The following FREM2 variants were observed in gnomAD, a reference collection of about 807,000 sequenced individuals.
The protein encoded by FREM2 is FRAS1 related extracellular matrix 2.
FREM2 carries 119 observed loss-of-function variants against 219.9 expected under a neutral mutation model. The ratio of observed to expected loss-of-function variants is 0.54; its 90% CI spans 0.47 to 0.63. The LOEUF (loss-of-function observed/expected upper bound fraction) is 0.63, where lower values mean the gene tolerates loss of function less well. Among genes scored for constraint, FREM2 ranks in the 30% least tolerant of loss-of-function variants. FREM2 has a pLI of 0.00. For missense variants in FREM2, 4,030 were observed against 3,993.6 expected, an observed-to-expected ratio of 1.01 and a Z score of -0.25; for synonymous variants, 1,562 against 1,522.8, an observed-to-expected ratio of 1.03 and a Z score of -0.60.
At chr13:38,721,442 C>A (rs146324384) in intron 2 of FREM2, among the ~76,000 whole-genome samples, 5 of 152,038 alleles carry the variant, frequency 3.3e-5, no homozygotes, top group South Asian at 2.1e-4. Flanking sequence ...AGGCAGCCAC[C>A]CAGGGAGGGG....
chr13:38,764,417 C>T lies in FREM2; in HGVS notation c.5377C>T (p.Arg1793Cys), dbSNP rs149271434. ...CAAATTTCTAGATGTTGTTCTTAAACGTAGAGGTTACTTGGGAGAAACTTC... is the reference window on the plus strand; with the variant it reads ...CAAATTTCTAGATGTTGTTCTTAAATGTAGAGGTTACTTGGGAGAAACTTC... ...DSKFLDVVLK[R>C]RGYLGETSFI... Residue 1793 changes from arginine to cysteine, a missense_variant, in exon 3 of 24, where the codon CGT (arginine) becomes TGT (cysteine). Transcript: ENST00000280481. 88 of 1,587,902 alleles carry T rather than the reference C, an allele frequency of 5.5e-5. No homozygotes were observed. The highest frequency in any genetic ancestry group is 3.5e-4 in the Admixed American group (21 of 59,362).
rs750450938 is a variant in FREM2, at chr13:38,857,918, C to T, written c.7100C>T (p.Ala2367Val). The change falls in exon 13 of 24, where the codon GCA (alanine) becomes GTA (valine). Residue 2367 changes from alanine (A) to valine (V), a missense_variant. By Grantham distance (64) the Ala-to-Val change is moderately conservative. This residue lies in a region of FREM2 where 928 missense variants were observed against 1,042.9 expected (regional missense o/e 0.89). Coordinates refer to ENST00000280481, the MANE Select transcript of FREM2 (RefSeq NM_207361.6). ...IVYIEEMSSM[A>V]DVTFPSVPQI... ...TACATAGAAGAAATGAGCAGCATGG[C>T]AGATGTCACTTTTCCTTCTGTCCCT... The T allele has an allele frequency of 6.2e-7, 1 of 1,613,610 alleles. No homozygotes were observed. The highest frequency in any genetic ancestry group is 8.5e-7 in the Non-Finnish European group (1 of 1,179,522).
intron 6 of FREM2, among the ~76,000 whole-genome samples, chr13:38,796,715 G>T (rs1266679801): frequency 6.6e-6 from 1 of 152,126 alleles, no homozygotes; most frequent in Non-Finnish European, 1.5e-5. Context: ...TATAAATAGT[G>T]CTGCAATGAA....
chr13:38,815,997 T>C (rs1875749415), intron 6 of FREM2, among the ~76,000 whole-genome samples: 2 of 152,132 alleles, frequency 1.3e-5, no homozygotes, highest in Admixed American at 1.3e-4. Flanking sequence ...ATGGATAAAT[T>C]CCTGGACACA....
intron 2 of FREM2, among the ~76,000 whole-genome samples, chr13:38,755,874 A>G (rs967566378): frequency 6.6e-6 from 1 of 152,180 alleles, no homozygotes; most frequent in African/African-American, 2.4e-5. Flanking sequence ...GCTAACAACA[A>G]TCCTACAGAT....
chr13:38,738,591 AGAG>A (rs1372038061), intron 2 of FREM2, among the ~76,000 whole-genome samples: 1 of 142,546 alleles, frequency 7.0e-6, no homozygotes, highest in East Asian at 2.1e-4. Flanking sequence ...AAAAAAAAAA[AGAG>A]AGATAGAAAA....
intron 15 of FREM2, among the ~76,000 whole-genome samples, 190 bp downstream of exon 15, chr13:38,861,752 G>A (rs1212292334): frequency 6.6e-6 from 1 of 152,118 alleles, no homozygotes; most frequent in African/African-American, 2.4e-5. Context: ...GGCAGTGTAA[G>A]CATTCGTTAA....
chr13:38,695,041 G>A (rs1035584910), intron 1 of FREM2, among the ~76,000 whole-genome samples: 15 of 152,072 alleles, frequency 9.9e-5, no homozygotes, highest in Non-Finnish European at 2.1e-4. Context: ...TAGATAAACT[G>A]AAATAAATTT....
intron 4 of FREM2, among the ~76,000 whole-genome samples, chr13:38,773,867 A>T (rs113732692): frequency 0.012 from 1,861 of 151,986 alleles, 42 homozygotes; most frequent in African/African-American, 0.043. Context: ...TATGTTTATA[A>T]CTCTGTGATT....
At chr13:38,777,751 A>G (rs73461877) in intron 4 of FREM2, among the ~76,000 whole-genome samples, 4,087 of 152,260 alleles carry the variant, frequency 0.027, 227 homozygotes, top group African/African-American at 0.094. Context: ...TGAAGTTGAA[A>G]AGGAATGTTA....
At chr13:38,812,009 A>G (rs1875498384) in intron 6 of FREM2, among the ~76,000 whole-genome samples, 1 of 152,146 alleles carries the variant, frequency 6.6e-6, no homozygotes, top group South Asian at 2.1e-4. Context: ...CAATTATTGT[A>G]TCTTCTTACT....
intron 18 of FREM2, among the ~76,000 whole-genome samples, chr13:38,874,802 A>G (rs1226317426): frequency 6.6e-6 from 1 of 152,240 alleles, no homozygotes; most frequent in Non-Finnish European, 1.5e-5. Flanking sequence ...AGAAAATGCA[A>G]AATAATTAGA....
At position 38,690,888 on chromosome 13, in the gene FREM2, G is replaced by A; in HGVS notation, c.3544G>A (p.Val1182Ile). Residue 1182 changes from valine to isoleucine, a missense_variant, in exon 1 of 24, where the codon GTA becomes ATA. Val to Ile is a conservative substitution (Grantham distance 29). Coordinates refer to ENST00000280481, the MANE Select transcript of FREM2 (RefSeq NM_207361.6). ...NFSERQFFPI[V>I]IIPTNDEQPE... Reference sequence around the variant, plus strand: ...TTCAGAGAGACAGTTCTTCCCCATTGTAATCATTCCCACCAATGATGAACA... The same window carrying A: ...TTCAGAGAGACAGTTCTTCCCCATTATAATCATTCCCACCAATGATGAACA... 2.5e-6 allele frequency: 4 copies of A among 1,614,092 alleles called. No individual in the cohort carries two copies. The highest frequency in any genetic ancestry group is 3.4e-6 in the Non-Finnish European group (4 of 1,179,970).
intron 6 of FREM2, among the ~76,000 whole-genome samples, chr13:38,787,110 A>G (rs565431240): frequency 6.6e-6 from 1 of 152,262 alleles, no homozygotes; most frequent in South Asian, 2.1e-4. Context: ...TAAGTGGGGT[A>G]GCGAAAGCCC....
chr13:38,732,069 A>G (rs1274888984), intron 2 of FREM2, among the ~76,000 whole-genome samples: 1 of 152,240 alleles, frequency 6.6e-6, no homozygotes, highest in African/African-American at 2.4e-5. Flanking sequence ...CAAGAGAAAT[A>G]TGAAATATAG....
At chr13:38,717,736 C>T (rs1871067278) in intron 2 of FREM2, among the ~76,000 whole-genome samples, 1 of 152,132 alleles carries the variant, frequency 6.6e-6, no homozygotes, top group African/African-American at 2.4e-5. Flanking sequence ...AATAACAAAG[C>T]AAATGCACAA....
chr13:38,783,781 C>T (rs1874215510), intron 5 of FREM2, among the ~76,000 whole-genome samples: 1 of 152,148 alleles, frequency 6.6e-6, no homozygotes, highest in African/African-American at 2.4e-5. Flanking sequence ...ATTTGAAAGG[C>T]AGTACAGAAG....
In FREM2 at chr13:38,861,547, A is replaced by G. The variant is rs1422334537; in HGVS notation, c.7636A>G (p.Met2546Val). 14 of 1,614,078 alleles carry G rather than the reference A, an allele frequency of 8.7e-6. No homozygotes were observed. The highest frequency in any genetic ancestry group is 1.1e-5 in the Non-Finnish European group (13 of 1,180,012). ...YTNLIKLTVTMPHIDGMLPVI... is the reference protein window; with the variant it reads ...YTNLIKLTVTVPHIDGMLPVI... ...AAACCTTATCAAGCTCACTGTCACA[A>G]TGCCACACATAGATGGTAGGTGACT... The change falls in exon 15 of 24, where the codon ATG becomes GTG. Residue 2546 changes from methionine (M) to valine (V), a missense_variant. Physicochemically the swap from Met to Val is conservative, Grantham distance 21. Transcript: ENST00000280481.
chr13:38,759,311 C>T (rs961864750), intron 2 of FREM2, among the ~76,000 whole-genome samples: 8 of 152,120 alleles, frequency 5.3e-5, no homozygotes, highest in East Asian at 1.9e-4. Context: ...TGAATGGACA[C>T]GTCCCCTTTA....
Sources: allele counts gnomAD v4.1 joint callset (sites outside exome capture counted in the v4.1 genomes callset), GRCh38; gene constraint gnomAD v4.1.1; regional missense constraint gnomAD v4.1.1; transcripts MANE v1.5; gene names NCBI Gene and HGNC (gene_info 2026-07-23, HGNC 2026-07-21).